The following AGBL4 variants were observed in gnomAD, a reference collection of about 807,000 sequenced individuals.
AGBL4 encodes AGBL carboxypeptidase 4.
AGBL4 carries 58 observed loss-of-function variants against 66.4 expected under a neutral mutation model. The ratio of observed to expected loss-of-function variants is 0.87; its 90% CI spans 0.71 to 1.09. The LOEUF (loss-of-function observed/expected upper bound fraction) is 1.09. Among genes scored for constraint, AGBL4 ranks in the 50% least tolerant of loss-of-function variants. The pLI is 0.00. For synonymous variants in AGBL4, 234 were observed against 222.9 expected (o/e 1.05, Z -0.44); for missense variants, 579 against 631.0 (o/e 0.92, Z 0.88).
chr1:49,353,095 T>C (rs1643944699), intron 3 of AGBL4, among the ~76,000 whole-genome samples: 1 of 152,188 alleles, frequency 6.6e-6, no homozygotes, highest in South Asian at 2.1e-4. Context: ...AGACACAAAA[T>C]AATCTTATAT....
At chr1:49,916,781 A>T (rs943493345) in intron 1 of AGBL4, among the ~76,000 whole-genome samples, 3 of 152,160 alleles carry the variant, frequency 2.0e-5, no homozygotes, top group South Asian at 2.1e-4. Context: ...ACACATAATT[A>T]TCAGATTCAC....
At chr1:49,833,396 G>A (rs1307322517) in intron 2 of AGBL4, among the ~76,000 whole-genome samples, 1 of 152,092 alleles carries the variant, frequency 6.6e-6, no homozygotes, top group Admixed American at 6.6e-5. Context: ...GGTTACTGTA[G>A]CCTTGTAGTA....
intron 9 of AGBL4, among the ~76,000 whole-genome samples, chr1:48,596,934 C>T (rs894744319): frequency 3.9e-5 from 6 of 152,100 alleles, no homozygotes; most frequent in Non-Finnish European, 5.9e-5. Flanking sequence ...GGATGGGCCA[C>T]GGGCACTTCA....
intron 3 of AGBL4, among the ~76,000 whole-genome samples, chr1:49,292,684 A>T (rs921993502): frequency 3.3e-5 from 5 of 152,140 alleles, no homozygotes; most frequent in African/African-American, 1.2e-4. Flanking sequence ...TGAAAGCTGC[A>T]GACATCAGGA....
At chr1:49,626,231 G>A (rs998161782) in intron 3 of AGBL4, among the ~76,000 whole-genome samples, 1 of 152,080 alleles carries the variant, frequency 6.6e-6, no homozygotes, top group Non-Finnish European at 1.5e-5. Flanking sequence ...CTCTTCAGCT[G>A]TGCCTTTAGA....
intron 3 of AGBL4, among the ~76,000 whole-genome samples, chr1:49,335,992 T>C (rs1457059487): frequency 6.6e-6 from 1 of 151,936 alleles, no homozygotes; most frequent in East Asian, 1.9e-4. Flanking sequence ...AAAGAACCAA[T>C]ATGAGATTTT....
intron 3 of AGBL4, among the ~76,000 whole-genome samples, chr1:49,286,761 C>T (rs1570343833): frequency 6.6e-6 from 1 of 152,000 alleles, no homozygotes; most frequent in Non-Finnish European, 1.5e-5. Flanking sequence ...TAGGAAGAAT[C>T]AATATCGTGA....
intron 5 of AGBL4, among the ~76,000 whole-genome samples, chr1:48,976,657 T>C (rs1258013834): frequency 6.6e-6 from 1 of 152,148 alleles, no homozygotes; most frequent in Non-Finnish European, 1.5e-5. Context: ...GCATATAATA[T>C]TTATTGGTCT....
chr1:49,902,435 A>C (rs541953351), intron 1 of AGBL4, among the ~76,000 whole-genome samples: 1 of 152,354 alleles, frequency 6.6e-6, no homozygotes, highest in South Asian at 2.1e-4. Context: ...AAAAATGCTC[A>C]ACATTACTAA....
At chr1:49,783,868 T>C (rs1333856697) in intron 2 of AGBL4, among the ~76,000 whole-genome samples, 1 of 152,010 alleles carries the variant, frequency 6.6e-6, no homozygotes, top group East Asian at 1.9e-4. Flanking sequence ...AATGAATAAT[T>C]TAAAATTGAA....
chr1:49,222,977 T>G (rs1216285961), intron 4 of AGBL4, among the ~76,000 whole-genome samples: 1 of 152,158 alleles, frequency 6.6e-6, no homozygotes, highest in Non-Finnish European at 1.5e-5. Context: ...AAAGCTCACC[T>G]GTCAGAGAAC....
intron 3 of AGBL4, among the ~76,000 whole-genome samples, chr1:49,274,030 C>T (rs1229162621): frequency 6.6e-6 from 1 of 152,096 alleles, no homozygotes; most frequent in Non-Finnish European, 1.5e-5. Flanking sequence ...AGAAGAGAGA[C>T]AGATTTAGTT....
chr1:49,192,491 G>T, intron 4 of AGBL4, among the ~76,000 whole-genome samples: 1 of 152,124 alleles, frequency 6.6e-6, no homozygotes, highest in South Asian at 2.1e-4. Context: ...TAGAGACAGG[G>T]TTTCACCATA....
intron 1 of AGBL4, among the ~76,000 whole-genome samples, chr1:49,910,112 T>C (rs1650671193): frequency 1.3e-5 from 2 of 152,070 alleles, no homozygotes; most frequent in Admixed American, 1.3e-4. Flanking sequence ...AGGGAACCAG[T>C]AGATAGGAAA....
At chr1:48,853,225 G>C (rs1011750946) in intron 6 of AGBL4, among the ~76,000 whole-genome samples, 3 of 152,108 alleles carry the variant, frequency 2.0e-5, no homozygotes, top group African/African-American at 7.2e-5. Context: ...CCATAGGAAT[G>C]AGTCATCTGG....
intron 5 of AGBL4, among the ~76,000 whole-genome samples, chr1:48,930,156 T>A (rs1020174448): frequency 1.1e-4 from 16 of 152,236 alleles, no homozygotes; most frequent in African/African-American, 3.6e-4. Context: ...TACGATCACA[T>A]ACAGAAAGGA....
At chr1:49,880,164 C>G (rs1381290674) in intron 1 of AGBL4, among the ~76,000 whole-genome samples, 1 of 151,872 alleles carries the variant, frequency 6.6e-6, no homozygotes, top group African/African-American at 2.4e-5. Flanking sequence ...CTCAGCTCGT[C>G]AAAATCATTC....
At chr1:48,973,741 T>G (rs1407537605) in intron 5 of AGBL4, among the ~76,000 whole-genome samples, 1 of 152,196 alleles carries the variant, frequency 6.6e-6, no homozygotes, top group Non-Finnish European at 1.5e-5. Flanking sequence ...CTTACTGCAT[T>G]TATTCGATGA....
chr1:48,629,084 A>G (rs1645551605), intron 9 of AGBL4, among the ~76,000 whole-genome samples: 2 of 152,112 alleles, frequency 1.3e-5, no homozygotes, highest in Non-Finnish European at 1.5e-5. Flanking sequence ...TAAGGCAAAC[A>G]CTACTTTGTT....
Sources: allele counts gnomAD v4.1 joint callset (sites outside exome capture counted in the v4.1 genomes callset), GRCh38; gene constraint gnomAD v4.1.1; transcripts MANE v1.5; gene names NCBI Gene and HGNC (gene_info 2026-07-23, HGNC 2026-07-21).